The following FILIP1L variants were observed in gnomAD, a reference collection of about 807,000 sequenced individuals.
FILIP1L encodes filamin A interacting protein 1 like, also known as filamin A-interacting protein 1-like.
Under a neutral mutation model 96.6 loss-of-function variants are expected in FILIP1L, and 55 were observed. That is an observed-to-expected ratio of 0.57 (90% CI 0.46 to 0.71). The LOEUF (loss-of-function observed/expected upper bound fraction) is 0.71, where lower values mean the gene tolerates loss of function less well. Ranked by LOEUF, FILIP1L falls within the 30% of genes least tolerant of loss-of-function variation. The pLI is 0.00. For synonymous variants in FILIP1L, 467 were observed against 473.9 expected (o/e 0.99, Z 0.19); for missense variants, 1,304 against 1,321.2 (o/e 0.99, Z 0.20).
At chr3:99,930,194 CCTT>C (rs1186996833) in intron 2 of FILIP1L, among the ~76,000 whole-genome samples, 165 bp from the exon 3 acceptor site, 1 of 152,150 alleles carries the variant, frequency 6.6e-6, no homozygotes, top group Admixed American at 6.5e-5. Context: ...ATCCCTTCAT[CCTT>C]CTTGTAGTCT....
chr3:99,978,092 T>C (rs1709021897), intron 1 of FILIP1L, among the ~76,000 whole-genome samples: 1 of 152,164 alleles, frequency 6.6e-6, no homozygotes, highest in African/African-American at 2.4e-5. Flanking sequence ...TTTTTAAAGC[T>C]CTACCTCTGG....
chr3:100,072,153 C>A (rs1355507169), intron 1 of FILIP1L, among the ~76,000 whole-genome samples: 1 of 152,194 alleles, frequency 6.6e-6, no homozygotes, highest in Admixed American at 6.5e-5. Context: ...AAACACTAGG[C>A]AATATGCTGT....
intron 1 of FILIP1L, among the ~76,000 whole-genome samples, chr3:100,054,534 T>C (rs893761165): frequency 6.8e-6 from 1 of 146,566 alleles, no homozygotes; most frequent in Non-Finnish European, 1.5e-5. Context: ...TATGTTATGT[T>C]ATGTTATGTC....
At chr3:100,067,151 CTA>C (rs1391700959) in intron 1 of FILIP1L, among the ~76,000 whole-genome samples, 3 of 150,394 alleles carry the variant, frequency 2.0e-5, no homozygotes, top group Non-Finnish European at 4.4e-5. Context: ...GAAGCCCTGG[CTA>C]TGTTTTTGAT....
intron 1 of FILIP1L, among the ~76,000 whole-genome samples, chr3:100,054,967 C>T (rs1224526530): frequency 3.5e-4 from 53 of 152,194 alleles, no homozygotes; most frequent in Admixed American, 3.5e-3. Context: ...AATGCCCTTT[C>T]CCAGCTTGCA....
At chr3:100,011,065 G>A (rs1290979214) in intron 1 of FILIP1L, among the ~76,000 whole-genome samples, 1 of 152,010 alleles carries the variant, frequency 6.6e-6, no homozygotes, top group African/African-American at 2.4e-5. Context: ...ATGGTACCAG[G>A]GCTTGTGGTC....
chr3:100,037,954 T>TTC (rs1369898565), intron 1 of FILIP1L, among the ~76,000 whole-genome samples: 230 of 135,862 alleles, frequency 1.7e-3, no homozygotes, highest in African/African-American at 6.2e-3. Context: ...TTTTTTTTTT[T>TTC]TTGGGGGGGG....
intron 4 of FILIP1L, among the ~76,000 whole-genome samples, chr3:99,901,543 G>T (rs926001192): frequency 6.6e-6 from 1 of 152,140 alleles, no homozygotes; most frequent in African/African-American, 2.4e-5. Context: ...CCAGATGTTC[G>T]TCGGGAAAGC....
chr3:100,057,111 G>C (rs1314116475), intron 1 of FILIP1L, among the ~76,000 whole-genome samples: 2 of 152,216 alleles, frequency 1.3e-5, no homozygotes, highest in Non-Finnish European at 1.5e-5. Flanking sequence ...GGAAAGTCCT[G>C]GACCTGCAGT....
chr3:99,905,738 G>A (rs186903580), intron 4 of FILIP1L, among the ~76,000 whole-genome samples: 2 of 152,250 alleles, frequency 1.3e-5, no homozygotes, highest in East Asian at 1.9e-4. Flanking sequence ...ACCATTTGAT[G>A]TCTATTACTG....
At chr3:100,021,956 TGTGTGAGAGAGAGA>T (rs1303642260) in intron 1 of FILIP1L, among the ~76,000 whole-genome samples, 99 of 94,594 alleles carry the variant, frequency 1.0e-3, no homozygotes, top group African/African-American at 2.8e-3. Flanking sequence ...TGTGTGTGTG[TGTGTGAGAGAGAGA>T]GAGAGAGAGA....
intron 1 of FILIP1L, among the ~76,000 whole-genome samples, chr3:99,963,284 C>T (rs1388370895): frequency 6.6e-6 from 1 of 152,162 alleles, no homozygotes; most frequent in African/African-American, 2.4e-5. Context: ...TGACTGATCC[C>T]ATGTGGTGGA....
At chr3:100,067,979 G>A (rs1028396473) in intron 1 of FILIP1L, among the ~76,000 whole-genome samples, 6 of 152,084 alleles carry the variant, frequency 3.9e-5, no homozygotes, top group Admixed American at 1.3e-4. Flanking sequence ...AAGACCCAAG[G>A]CACCTCCAAG....
intron 1 of FILIP1L, among the ~76,000 whole-genome samples, chr3:99,978,843 C>G (rs984238484): frequency 6.6e-6 from 1 of 151,912 alleles, no homozygotes; most frequent in African/African-American, 2.4e-5. Context: ...TGAGATTACA[C>G]CACTGCACTC....
rs562878197 is a variant in FILIP1L, at chr3:100,007,059, G to T, written c.-10-76029C>A. Among the ~76,000 whole-genome samples, 8 of 152,196 alleles carry T rather than the reference G, an allele frequency of 5.3e-5. No homozygotes were observed. In the South Asian group the frequency reaches 1.7e-3, roughly 32 times the overall value. On this transcript the variant is annotated intron_variant, in intron 1 of 5. Coordinates refer to ENST00000477258, the MANE Select transcript of FILIP1L (RefSeq NM_001387850.1). The stretch of plus-strand genomic sequence containing the variant: ...CCTTAGCTGGTATTTTCCACATGAG[G>T]TTTACACCATCTTGTGGCCTACAGT...
chr3:100,080,794 A>G (rs977095346), intron 1 of FILIP1L, among the ~76,000 whole-genome samples: 5 of 152,210 alleles, frequency 3.3e-5, no homozygotes, highest in Non-Finnish European at 7.3e-5. Context: ...TTCACCAGTC[A>G]GTTATTAACC....
intron 1 of FILIP1L, among the ~76,000 whole-genome samples, chr3:100,033,842 G>A (rs2065061828): frequency 6.6e-6 from 1 of 152,078 alleles, no homozygotes; most frequent in South Asian, 2.1e-4. Context: ...CTGTCTCAGA[G>A]GAAACAATAT....
chr3:100,031,775 C>T (rs1045307731), intron 1 of FILIP1L, among the ~76,000 whole-genome samples: 4 of 152,256 alleles, frequency 2.6e-5, no homozygotes, highest in Non-Finnish European at 5.9e-5. Flanking sequence ...CAAAGGGAAA[C>T]ACCCCACTAG....
intron 4 of FILIP1L, among the ~76,000 whole-genome samples, chr3:99,896,781 G>A (rs573605966): frequency 2.0e-5 from 3 of 152,176 alleles, no homozygotes; most frequent in East Asian, 1.9e-4. Flanking sequence ...AGGGTTTAAC[G>A]GTTTTTGTTC....
Sources: allele counts gnomAD v4.1 joint callset (sites outside exome capture counted in the v4.1 genomes callset), GRCh38; gene constraint gnomAD v4.1.1; transcripts MANE v1.5; gene names NCBI Gene and HGNC (gene_info 2026-07-23, HGNC 2026-07-21).